TLE3: variants seen among roughly 807,000 people sequenced by gnomAD.
TLE3 encodes the protein transducin-like enhancer protein 3.
A neutral mutation model predicts 93.0 loss-of-function variants in TLE3; 14 were observed. That is an observed-to-expected ratio of 0.15 (90% CI 0.10 to 0.24). TLE3 has a LOEUF of 0.24. Ranked by LOEUF, TLE3 falls within the 10% of genes least tolerant of loss-of-function variation. The probability of loss-of-function intolerance (pLI) is 1.00; values close to 1 mark genes in which losing one functional copy is unlikely to be tolerated. For missense variants in TLE3, 693 were observed against 1,046.6 expected (o/e 0.66, Z 4.66); for synonymous variants, 451 against 425.0 (o/e 1.06, Z -0.75).
intron 9 of TLE3, among the ~76,000 whole-genome samples, chr15:70,059,815 T>G (rs2056344555): frequency 1.3e-5 from 2 of 152,226 alleles, no homozygotes; most frequent in South Asian, 4.1e-4. Context: ...ACATCCACCA[T>G]CCTTCACAGT....
intron 19 of TLE3, 160 bp from the exon 20 acceptor site, chr15:70,050,364 T>G: frequency 1.8e-6 from 1 of 541,954 alleles, no homozygotes; most frequent in Non-Finnish European, 3.3e-6. Context: ...CACAGTGCGG[T>G]GAAGAGGAGG....
At position 70,050,210 on chromosome 15, in the gene TLE3, G is replaced by A; in HGVS notation, c.2203-6C>T. On this transcript the variant is annotated splice_polypyrimidine_tract_variant and splice_region_variant and intron_variant, in intron 19 of 19. Transcript: ENST00000451782. The stretch of plus-strand genomic sequence containing the variant: ...ACAGACGAGGATTCTTTAGACTGGA[G>A]GAGGAAGACGAGGAGAAGCAGCAGG... The A allele has an allele frequency of 1.2e-6, 2 of 1,611,008 alleles. No homozygotes were observed. Among genetic ancestry groups the A allele is most frequent in the Non-Finnish European group, 1.7e-6 (2 of 1,177,140 alleles).
rs955894651 is a variant in TLE3 at position 70,096,386 on chromosome 15, C to A, written c.25-125G>T. ...CACCCTCAGCCCAGAACCTTCCCAG[C>A]AAGTTTCTCAGCTCTCCGACGGGGC... On this transcript the variant is annotated intron_variant, in intron 1 of 19. Transcript: ENST00000451782. The A allele has an allele frequency of 4.8e-6, 7 of 1,464,840 alleles. No individual in the cohort carries two copies. The Admixed American group carries it at 1.9e-4, about 39-fold the overall frequency. The allele number at this position is 1,464,840 out of a possible 1,614,324, so 90.7% of individuals were successfully genotyped here.
chr15:70,054,378 G>C, intron 16 of TLE3, 60 bp downstream of exon 16: 1 of 1,569,418 alleles, frequency 6.4e-7, no homozygotes, highest in African/African-American at 1.3e-5. Context: ...AACAAGACCA[G>C]GCAGGATGGG....
intron 4 of TLE3, among the ~76,000 whole-genome samples, chr15:70,077,522 A>G (rs1242809901): frequency 1.3e-5 from 2 of 152,200 alleles, no homozygotes; most frequent in Non-Finnish European, 2.9e-5. Flanking sequence ...ACCTCGGGAG[A>G]ATTCCTTGGG....
chr15:70,094,300 C>T (rs1203330348), intron 4 of TLE3, among the ~76,000 whole-genome samples: 1 of 151,858 alleles, frequency 6.6e-6, no homozygotes, highest in Non-Finnish European at 1.5e-5. Flanking sequence ...CCACCGAGAT[C>T]CAAGACCAGG....
intron 4 of TLE3, among the ~76,000 whole-genome samples, chr15:70,088,078 C>T (rs2058115619): frequency 6.6e-6 from 1 of 152,214 alleles, no homozygotes; most frequent in African/African-American, 2.4e-5. Flanking sequence ...CACGGTGACC[C>T]CTCTCCTCCA....
chr15:70,074,392 T>G, intron 6 of TLE3, 141 bp downstream of exon 6: 1 of 1,046,932 alleles, frequency 9.6e-7, no homozygotes, highest in African/African-American at 1.6e-5. Flanking sequence ...TCCAAGCCCT[T>G]GGGGTGCTTG....
At chr15:70,093,864 G>A (rs539550610) in intron 4 of TLE3, among the ~76,000 whole-genome samples, 5 of 152,242 alleles carry the variant, frequency 3.3e-5, no homozygotes, top group African/African-American at 4.8e-5. Flanking sequence ...CAGCCATCTC[G>A]AAAGTCCTGG....
At chr15:70,056,910 G>A (rs766633979) in intron 13 of TLE3, among the ~76,000 whole-genome samples, 3 of 151,924 alleles carry the variant, frequency 2.0e-5, no homozygotes, top group South Asian at 2.1e-4. Context: ...CACCACGCCC[G>A]GCTAATTTTT....
intron 4 of TLE3, among the ~76,000 whole-genome samples, chr15:70,089,035 T>A (rs1035899255): frequency 1.3e-5 from 2 of 152,162 alleles, no homozygotes; most frequent in Non-Finnish European, 1.5e-5. Flanking sequence ...CCACCTCGCC[T>A]CACTTCCCAA....
At chr15:70,059,482 A>T (rs1388057782) in intron 9 of TLE3, 22 bp from the exon 10 acceptor site, 1 of 1,599,900 alleles carries the variant, frequency 6.3e-7, no homozygotes, top group African/African-American at 1.3e-5. Flanking sequence ...AGAGAAGCCA[A>T]CTGGTCAGTA....
intron 5 of TLE3, 27 bp from the exon 6 acceptor site, chr15:70,074,634 T>C: frequency 6.3e-7 from 1 of 1,587,030 alleles, no homozygotes; most frequent in Non-Finnish European, 8.6e-7. Flanking sequence ...GTGCGTTAGA[T>C]GCAGCCACTT....
chr15:70,095,333 T>C (rs72749677), intron 3 of TLE3: 34,381 of 1,421,366 alleles, frequency 0.024, 518 homozygotes, highest in Non-Finnish European at 0.026. Context: ...ATAAAGATAG[T>C]ACAGAAGTCT....
At chr15:70,070,828 T>C (rs757415443) in intron 6 of TLE3, among the ~76,000 whole-genome samples, 2 of 152,216 alleles carry the variant, frequency 1.3e-5, no homozygotes, top group Non-Finnish European at 2.9e-5. Context: ...GTCAACTGAA[T>C]GCAGCTCATC....
At chr15:70,069,214 A>G (rs1245550699) in intron 6 of TLE3, among the ~76,000 whole-genome samples, 2 of 152,204 alleles carry the variant, frequency 1.3e-5, no homozygotes, top group Admixed American at 1.3e-4. Context: ...GAAAAGGTAT[A>G]TGAAGAGGCT....
intron 6 of TLE3, among the ~76,000 whole-genome samples, chr15:70,069,173 A>T (rs1457516588): frequency 6.6e-6 from 1 of 152,182 alleles, no homozygotes; most frequent in Non-Finnish European, 1.5e-5. Context: ...TGCTCAGTAC[A>T]TGTCTTGTGG....
chr15:70,096,675 A>G (rs984848053), intron 1 of TLE3, 100 bp downstream of exon 1: 1 of 1,561,492 alleles, frequency 6.4e-7, no homozygotes, highest in African/African-American at 1.4e-5. Context: ...AAACACACAC[A>G]CCATAAAGGT....
intron 4 of TLE3, among the ~76,000 whole-genome samples, chr15:70,078,683 C>G (rs2057580582): frequency 6.6e-6 from 1 of 152,330 alleles, no homozygotes. Context: ...AAGCCCTTCA[C>G]CAACGGGGTG....
Sources: gnomAD v4.1 joint callset for allele counts (sites outside exome capture counted in the v4.1 genomes callset) on GRCh38, gnomAD v4.1.1 for gene constraint, MANE v1.5 for transcripts, NCBI Gene and HGNC (gene_info 2026-07-23, HGNC 2026-07-21) for gene names.